Variants in VPS41 observed in about 807,000 individuals in gnomAD.
The protein encoded by VPS41 is vacuolar protein sorting-associated protein 41 homolog.
A neutral mutation model predicts 130.9 loss-of-function variants in VPS41; 85 were observed. That is an observed-to-expected ratio of 0.65 (90% CI 0.55 to 0.78). The LOEUF is 0.78. Among genes scored for constraint, VPS41 ranks in the 30% least tolerant of loss-of-function variants. The probability of loss-of-function intolerance (pLI) is 0.00; values close to 1 mark genes in which losing one functional copy is unlikely to be tolerated. For synonymous variants in VPS41, 335 were observed against 332.9 expected, an observed-to-expected ratio of 1.01 and a Z score of -0.07; for missense variants, 874 against 1,018.7, an observed-to-expected ratio of 0.86 and a Z score of 1.93.
chr7:38,758,828 A>C (rs1423743119), intron 17 of VPS41, among the ~76,000 whole-genome samples: 4 of 152,172 alleles, frequency 2.6e-5, no homozygotes, highest in Non-Finnish European at 5.9e-5. Context: ...AATCATGTCT[A>C]AGTAATGAAG....
intron 21 of VPS41, 103 bp downstream of exon 21, chr7:38,754,599 C>A: frequency 1.1e-6 from 1 of 905,338 alleles, no homozygotes; most frequent in Non-Finnish European, 1.7e-6. Context: ...GAATATTAAC[C>A]TCCTTGAAGA....
intron 16 of VPS41, among the ~76,000 whole-genome samples, chr7:38,765,070 T>G (rs1784009866): frequency 6.6e-6 from 1 of 152,160 alleles, no homozygotes; most frequent in South Asian, 2.1e-4. Flanking sequence ...GAAAAATTTT[T>G]AAATGTTTAA....
chr7:38,753,960 A>G (rs1783734624), intron 21 of VPS41, among the ~76,000 whole-genome samples: 1 of 152,226 alleles, frequency 6.6e-6, no homozygotes, highest in Non-Finnish European at 1.5e-5. Flanking sequence ...CACTTATTGT[A>G]TCTGATACCC....
At chr7:38,826,861 C>T (rs1785290941) in intron 5 of VPS41, among the ~76,000 whole-genome samples, 2 of 152,014 alleles carry the variant, frequency 1.3e-5, no homozygotes, top group South Asian at 4.2e-4. Context: ...CTCTGTCACC[C>T]AGGCTGGAGT....
rs1290430047 is a variant in VPS41, at chr7:38,743,432, C to A, written c.2092G>T (p.Asp698Tyr). The A allele has an allele frequency of 6.2e-7, 1 of 1,613,944 alleles. No homozygotes were observed. The highest frequency in any genetic ancestry group is 1.7e-5 in the Admixed American group (1 of 60,008). The change falls in exon 24 of 29, where the codon GAT becomes TAT. Residue 698 changes from aspartate (D) to tyrosine (Y), a missense_variant. By Grantham distance (160) the Asp-to-Tyr change is radical. Transcript: ENST00000310301. ...KEQDDGELWE[D>Y]LILYSIDKPP... is the part of the protein sequence containing the mutation. Reference sequence around the variant, plus strand: ...TTGTCAATGGAATATAAAATCAAATCTTCCCACAGCTCTCCATCATCTTGC... The same window carrying A: ...TTGTCAATGGAATATAAAATCAAATATTCCCACAGCTCTCCATCATCTTGC...
chr7:38,834,585 C>T (rs1258426258), intron 4 of VPS41, among the ~76,000 whole-genome samples: 1 of 152,150 alleles, frequency 6.6e-6, no homozygotes, highest in Non-Finnish European at 1.5e-5. Context: ...GGAAGAGTCA[C>T]ATGGTTTACT....
At chr7:38,783,114 C>T (rs924808676) in intron 10 of VPS41, among the ~76,000 whole-genome samples, 7 of 151,590 alleles carry the variant, frequency 4.6e-5, no homozygotes, top group East Asian at 1.9e-4. Context: ...GGTGATAGAG[C>T]GAGACTCTGC....
chr7:38,840,200 T>C (rs976878767), intron 4 of VPS41, among the ~76,000 whole-genome samples: 31 of 152,350 alleles, frequency 2.0e-4, no homozygotes, highest in Non-Finnish European at 3.4e-4. Context: ...TCCCTCAGCA[T>C]TGACAACAAC....
intron 4 of VPS41, chr7:38,831,073 T>C (rs1192856677): frequency 5.2e-6 from 2 of 382,594 alleles, no homozygotes; most frequent in Non-Finnish European, 1.0e-5. Flanking sequence ...AGTCTAAATG[T>C]TCAACTTCTA....
chr7:38,849,720 C>G (rs1172187890), intron 4 of VPS41, among the ~76,000 whole-genome samples: 1 of 152,164 alleles, frequency 6.6e-6, no homozygotes, highest in Non-Finnish European at 1.5e-5. Context: ...CGTCCAGCTG[C>G]TTGTGTCTCT....
At chr7:38,758,633 T>C (rs1783853390) in intron 17 of VPS41, 152 bp from the exon 18 acceptor site, 7 of 803,136 alleles carry the variant, frequency 8.7e-6, no homozygotes, top group South Asian at 7.5e-5. Context: ...TCTTGTATGC[T>C]AATGAGCTGA....
intron 10 of VPS41, among the ~76,000 whole-genome samples, chr7:38,789,204 CAG>C (rs1481845082): frequency 1.1e-4 from 16 of 152,128 alleles, no homozygotes; most frequent in Admixed American, 9.2e-4. Flanking sequence ...TGAGCAAAAA[CAG>C]ACCCTGTGTG....
chr7:38,821,066 T>C, intron 6 of VPS41, 137 bp downstream of exon 6: 1 of 648,480 alleles, frequency 1.5e-6, no homozygotes, highest in Non-Finnish European at 2.7e-6. Context: ...ATCTAAATAG[T>C]ATCCAGTACA....
At chr7:38,729,789 G>A (rs894656637) in intron 25 of VPS41, among the ~76,000 whole-genome samples, 3 of 152,144 alleles carry the variant, frequency 2.0e-5, no homozygotes, top group Non-Finnish European at 4.4e-5. Flanking sequence ...AGGGACAGGC[G>A]ACACTTTACC....
chr7:38,832,361 C>T lies in VPS41; in HGVS notation c.247-2033G>A, dbSNP rs142509030. On this transcript the variant is annotated intron_variant, in intron 4 of 28. Coordinates refer to ENST00000310301, the MANE Select transcript of VPS41 (RefSeq NM_014396.4). ...TTTGAGACAGATTCTAGCTCTGTCA[C>T]CAGGCTACAGTGCAGCGGCACAATC... is the stretch of plus-strand genomic sequence containing the variant. 3.5e-5 allele frequency among the ~76,000 whole-genome samples: 5 copies of T among 141,796 alleles called. No homozygotes were observed. In the East Asian group the frequency reaches 1.0e-3, roughly 29 times the overall value. 93.0% of individuals were successfully genotyped at this position (141,796 alleles called of 152,430 possible).
chr7:38,905,550 T>C (rs1269312387), intron 1 of VPS41, among the ~76,000 whole-genome samples: 4 of 152,212 alleles, frequency 2.6e-5, no homozygotes, highest in African/African-American at 9.6e-5. Flanking sequence ...TCTGAGCTGT[T>C]TTATACCACA....
intron 3 of VPS41, among the ~76,000 whole-genome samples, chr7:38,868,906 A>C (rs1786286071): frequency 6.6e-6 from 1 of 152,154 alleles, no homozygotes; most frequent in African/African-American, 2.4e-5. Flanking sequence ...TAAATCTTTG[A>C]CTTTGATCAC....
At chr7:38,845,366 C>A (rs1336567707) in intron 4 of VPS41, among the ~76,000 whole-genome samples, 4 of 152,178 alleles carry the variant, frequency 2.6e-5, no homozygotes, top group African/African-American at 9.7e-5. Context: ...GTGAACCTTG[C>A]ACTTATTGAG....
At chr7:38,740,138 T>C (rs373380063) in intron 25 of VPS41, among the ~76,000 whole-genome samples, 2 of 152,190 alleles carry the variant, frequency 1.3e-5, no homozygotes, top group East Asian at 1.9e-4. Context: ...TGCAAGCTTC[T>C]TGCACTACAG....
Sources: allele counts gnomAD v4.1 joint callset (sites outside exome capture counted in the v4.1 genomes callset), GRCh38; gene constraint gnomAD v4.1.1; transcripts MANE v1.5; gene names NCBI Gene and HGNC (gene_info 2026-07-23, HGNC 2026-07-21).